SIGLEC9: variants seen among roughly 807,000 people sequenced by gnomAD.
SIGLEC9 encodes sialic acid binding Ig like lectin 9, also known as sialic acid-binding Ig-like lectin 9.
In SIGLEC9, 26 loss-of-function variants were observed where a neutral mutation model predicts 38.3. That is an observed-to-expected ratio of 0.68 (90% confidence interval 0.50 to 0.94). The LOEUF (loss-of-function observed/expected upper bound fraction) is 0.94, where lower values mean the gene tolerates loss of function less well. SIGLEC9 is among the 40% of genes least tolerant of loss of function. The pLI, the probability that SIGLEC9 is intolerant of heterozygous loss-of-function variation, is 0.00. For synonymous variants in SIGLEC9, 236 were observed against 248.0 expected (o/e 0.95, Z 0.45); for missense variants, 556 against 585.7 (o/e 0.95, Z 0.52).
chr19:51,126,023 C>G, intron 2 of SIGLEC9, 58 bp from the exon 3 acceptor site: 1 of 1,580,298 alleles, frequency 6.3e-7, no homozygotes, highest in Non-Finnish European at 8.7e-7. Flanking sequence ...TGGGGACAGA[C>G]AGGGCCAGTG....
In SIGLEC9 at chr19:51,125,669, C is replaced by T; in HGVS notation, c.494C>T (p.Ser165Phe). The part of the protein sequence containing the change: ...ESGCPQNLTC[S>F]VPWACEQGTP... ...GGCTGCCCCCAGAATCTGACCTGCT[C>T]TGTGCCCTGGGCCTGTGAGCAGGGG... The change falls in exon 2 of 7, where the codon TCT (serine) becomes TTT (phenylalanine). Residue 165 changes from serine (S) to phenylalanine (F), a missense_variant. By Grantham distance (155) the Ser-to-Phe change is radical. Transcript: ENST00000250360. The T allele has an allele frequency of 1.2e-6, 2 of 1,613,930 alleles. No individual in the cohort carries two copies. Among genetic ancestry groups the T allele is most frequent in the Non-Finnish European group, 1.7e-6 (2 of 1,180,016 alleles).
At chr19:51,125,515 G>A (rs2091971528) in intron 1 of SIGLEC9, 82 bp from the exon 2 acceptor site, 1 of 1,572,736 alleles carries the variant, frequency 6.4e-7, no homozygotes, top group African/African-American at 1.4e-5. Flanking sequence ...CTCAGGGCAG[G>A]AGCTGGACCA....
At chr19:51,133,764 C>T (rs1049706652), downstream of SIGLEC9, among the ~76,000 whole-genome samples, 1 of 152,028 alleles carries the variant, frequency 6.6e-6, no homozygotes, top group African/African-American at 2.4e-5. Context: ...ATATGGTAAC[C>T]ACTAGCCACA....
Position 51,129,394 on chromosome 19 carries a change from T to C in SIGLEC9, c.1204-497T>C, listed in dbSNP as rs535674996. Among the ~76,000 whole-genome samples, 422 of 151,872 alleles carry C rather than the reference T, an allele frequency of 2.8e-3. 16 individuals are homozygous for C. In the South Asian group the frequency reaches 0.059, roughly 21 times the overall value. Reference sequence around the variant, plus strand: ...CAGGATGGTCTCAGTCTCCTGACCTTGTGATCTGCCCACCTTGGCTTCCCG... The same window carrying C: ...CAGGATGGTCTCAGTCTCCTGACCTCGTGATCTGCCCACCTTGGCTTCCCG... On this transcript the variant is annotated intron_variant, in intron 6 of 6. Coordinates refer to ENST00000250360, the MANE Select transcript of SIGLEC9 (RefSeq NM_014441.3).
intron 5 of SIGLEC9, 140 bp from the exon 6 acceptor site, chr19:51,128,274 G>C: frequency 9.7e-7 from 1 of 1,033,364 alleles, no homozygotes; most frequent in Non-Finnish European, 1.5e-6. Flanking sequence ...TCTCAACCTT[G>C]GGGTCTCTAA....
chr19:51,129,865 A>T (rs945417520), intron 6 of SIGLEC9, 26 bp from the exon 7 acceptor site: 8 of 1,522,332 alleles, frequency 5.3e-6, no homozygotes, highest in African/African-American at 1.4e-5. Context: ...GTCTGCTCTG[A>T]CTCACTTCTC....
Position 51,127,245 on chromosome 19 carries a change from G to A in SIGLEC9, c.964G>A (p.Ala322Thr), listed in dbSNP as rs765444607. 2 of 1,614,162 alleles carry A rather than the reference G, an allele frequency of 1.2e-6. No individual in the cohort carries two copies. Among genetic ancestry groups the A allele is most frequent in the Non-Finnish European group, 1.7e-6 (2 of 1,179,978 alleles). ...LRDAAEFTCR[A>T]QNPLGSQQVY... is the part of the protein sequence containing the mutation. ...GGATGCAGCTGAATTCACCTGCAGA[G>A]CTCAGAACCCTCTCGGCTCTCAGCA... The change falls in exon 4 of 7, where the codon GCT (alanine) becomes ACT (threonine). Residue 322 changes from alanine (A) to threonine (T), a missense_variant. Ala to Thr is a moderately conservative substitution (Grantham distance 58). Coordinates refer to ENST00000250360, the MANE Select transcript of SIGLEC9 (RefSeq NM_014441.3).
upstream of SIGLEC9, chr19:51,122,974 C>T (rs10419347): frequency 0.088 from 13,395 of 152,746 alleles, 1,988 homozygotes; most frequent in African/African-American, 0.31. This position sits in a 1 kb window ranked among gnomAD's most constrained non-coding sequence, Gnocchi z 4.1. Flanking sequence ...GAGTGAGTTG[C>T]AGGACAGCTG....
rs752399458 is a variant in SIGLEC9 at position 51,125,033 on chromosome 19, G to C, written c.59G>C (p.Ser20Thr). 10 of 1,613,758 alleles carry C rather than the reference G, an allele frequency of 6.2e-6. No homozygotes were observed. In the African/African-American group the frequency reaches 1.3e-4, roughly 22 times the overall value. The change falls in exon 1 of 7, where the codon AGT becomes ACT. Residue 20 changes from serine to threonine, a missense_variant. By Grantham distance (58) the Ser-to-Thr change is moderately conservative (BLOSUM62 1). Coordinates refer to ENST00000250360, the MANE Select transcript of SIGLEC9 (RefSeq NM_014441.3). ...AGGGAGAGGGCGGAAGGACAGACAA[G>C]TAAACTGCTGACGATGCAGAGTTCC... ...WGRERAEGQT[S>T]KLLTMQSSVT... is the part of the protein sequence containing the mutation.
intron 6 of SIGLEC9, among the ~76,000 whole-genome samples, chr19:51,129,441 G>A (rs2092002673): frequency 6.6e-6 from 1 of 152,038 alleles, no homozygotes; most frequent in Non-Finnish European, 1.5e-5. Flanking sequence ...TTACAGGCGT[G>A]AGCCACTGTG....
rs1353471926 is a variant in SIGLEC9, at chr19:51,125,653, C to G, written c.478C>G (p.Gln160Glu). 1.2e-6 allele frequency: 2 copies of G among 1,613,558 alleles called. No individual in the cohort carries two copies. The highest frequency in any genetic ancestry group is 1.3e-5 in the African/African-American group (1 of 74,900). The change falls in exon 2 of 7, where the codon CAG becomes GAG. Residue 160 changes from glutamine (Q) to glutamate (E), a missense_variant. Physicochemically the swap from Gln to Glu is conservative, Grantham distance 29. Coordinates refer to ENST00000250360, the MANE Select transcript of SIGLEC9 (RefSeq NM_014441.3). ...AGGCACCCTGGAGTCCGGCTGCCCCCAGAATCTGACCTGCTCTGTGCCCTG... is the reference window on the plus strand; with the variant it reads ...AGGCACCCTGGAGTCCGGCTGCCCCGAGAATCTGACCTGCTCTGTGCCCTG... ...IPGTLESGCP[Q>E]NLTCSVPWAC...
At chr19:51,121,421 C>T (rs138332980), upstream of SIGLEC9, among the ~76,000 whole-genome samples, 159 of 152,148 alleles carry the variant, frequency 1.0e-3, no homozygotes, top group African/African-American at 3.3e-3. Flanking sequence ...CCCCCATTTA[C>T]CCCATTCAGG....
chr19:51,126,331 C>A (rs531187238), intron 3 of SIGLEC9, among the ~76,000 whole-genome samples: 7 of 151,998 alleles, frequency 4.6e-5, no homozygotes, highest in African/African-American at 1.5e-4. Flanking sequence ...CACACCCCCC[C>A]CTCAGCCTCA....
intron 2 of SIGLEC9, 84 bp downstream of exon 2, chr19:51,125,959 C>T (rs2091976612): frequency 1.3e-6 from 2 of 1,594,240 alleles, no homozygotes; most frequent in African/African-American, 2.7e-5. Context: ...GGAATCTGGG[C>T]TGGTGGTGGG....
chr19:51,135,235 G>A (rs1032719726), downstream of SIGLEC9, among the ~76,000 whole-genome samples: 1 of 152,088 alleles, frequency 6.6e-6, no homozygotes, highest in Non-Finnish European at 1.5e-5. Context: ...TCTGTGTTTG[G>A]CACTCACTTA....
intron 2 of SIGLEC9, 73 bp downstream of exon 2, chr19:51,125,948 C>T (rs776850041): frequency 2.0e-5 from 32 of 1,599,052 alleles, no homozygotes; most frequent in South Asian, 7.7e-5. Context: ...TGCTGGGTCC[C>T]GGAATCTGGG....
At chr19:51,134,151 T>TC (rs1181582904), downstream of SIGLEC9, among the ~76,000 whole-genome samples, 20 of 96,186 alleles carry the variant, frequency 2.1e-4, no homozygotes, top group Middle Eastern at 8.1e-3. Flanking sequence ...TCTTTTCTTT[T>TC]TTTTTTTTTT....
downstream of SIGLEC9, among the ~76,000 whole-genome samples, chr19:51,132,691 G>A (rs188397556): frequency 2.3e-3 from 352 of 152,260 alleles, 1 homozygote; most frequent in Middle Eastern, 3.4e-3. Context: ...TTCATTCTTG[G>A]CGTTCACTGC....
At chr19:51,133,221 T>G (rs752106001), downstream of SIGLEC9, among the ~76,000 whole-genome samples, 1 of 152,030 alleles carries the variant, frequency 6.6e-6, no homozygotes, top group African/African-American at 2.4e-5. Context: ...CCCACACATA[T>G]ACAGTCAACT....
Sources: gnomAD v4.1 joint callset for allele counts (sites outside exome capture counted in the v4.1 genomes callset) on GRCh38, gnomAD v4.1.1 for gene constraint, Gnocchi (gnomAD v3.1) non-coding constraint, MANE v1.5 for transcripts, NCBI Gene and HGNC (gene_info 2026-07-23, HGNC 2026-07-21) for gene names.